GPHN: variants seen among roughly 807,000 people sequenced by gnomAD.
GPHN encodes gephyrin.
Under a neutral mutation model 95.5 loss-of-function variants are expected in GPHN, and 17 were observed. That is an observed-to-expected ratio of 0.18 (90% CI 0.12 to 0.27). The LOEUF is 0.27. Ranked by LOEUF, GPHN falls within the 10% of genes least tolerant of loss-of-function variation. The pLI is 1.00. For synonymous variants in GPHN, 320 were observed against 322.5 expected, an observed-to-expected ratio of 0.99 and a Z score of 0.08; for missense variants, 660 against 978.1, an observed-to-expected ratio of 0.67 and a Z score of 4.34.
At chr14:66,806,974 T>C (rs1025930440) in intron 3 of GPHN, among the ~76,000 whole-genome samples, 4 of 152,198 alleles carry the variant, frequency 2.6e-5, no homozygotes, top group Admixed American at 1.3e-4. Flanking sequence ...TGAATTAGTC[T>C]GTTTTCACAC....
At chr14:67,727,427 A>G in the GPHN span, 1 of 497,294 alleles carries the variant, frequency 2.0e-6, no homozygotes, top group South Asian at 2.1e-5. Flanking sequence ...CTTATCTCTT[A>G]TCTCATTTGA....
the GPHN span, among the ~76,000 whole-genome samples, chr14:67,342,181 A>AAAATAAAT: frequency 5.5e-4 from 55 of 99,600 alleles, 1 homozygote; most frequent in East Asian, 9.9e-3. Context: ...AATGATCAAT[A>AAAATAAAT]AAATAAATAA....
the GPHN span, chr14:67,690,194 C>T: frequency 2.5e-6 from 4 of 1,607,816 alleles, no homozygotes; most frequent in East Asian, 8.9e-5. Flanking sequence ...TCTCCACATT[C>T]ATTTCCTCTA....
intron 3 of GPHN, among the ~76,000 whole-genome samples, chr14:66,777,095 A>AAG (rs889637671): frequency 6.6e-6 from 1 of 151,776 alleles, no homozygotes; most frequent in Non-Finnish European, 1.5e-5. Flanking sequence ...AAAAAAAAAA[A>AAG]AGAGAGAAGA....
At chr14:67,339,614 C>T in the GPHN span, among the ~76,000 whole-genome samples, 228 of 152,274 alleles carry the variant, frequency 1.5e-3, no homozygotes, top group African/African-American at 5.2e-3. Context: ...CATGGACATG[C>T]ATAATTTCTC....
the GPHN span, among the ~76,000 whole-genome samples, chr14:67,284,437 A>AAAAAAAAAC: frequency 3.4e-5 from 5 of 148,150 alleles, no homozygotes; most frequent in Middle Eastern, 3.5e-3. Context: ...CTTAAAAAAA[A>AAAAAAAAAC]AAAAAAACAG....
chr14:67,413,829 TGTA>T, the GPHN span, among the ~76,000 whole-genome samples: 1 of 152,208 alleles, frequency 6.6e-6, no homozygotes, highest in Non-Finnish European at 1.5e-5. Context: ...AAGCCAGGCC[TGTA>T]GTAGTAGGTG....
chr14:67,280,961 A>G, the GPHN span, among the ~76,000 whole-genome samples: 12 of 149,488 alleles, frequency 8.0e-5, no homozygotes, highest in East Asian at 2.4e-3. Flanking sequence ...CAGTGGTGCA[A>G]TCTTCGGCTC....
intron 1 of GPHN, among the ~76,000 whole-genome samples, chr14:66,582,615 A>G (rs2061236401): frequency 6.7e-6 from 1 of 150,164 alleles, no homozygotes; most frequent in Non-Finnish European, 1.5e-5. Flanking sequence ...ATTCCCACCT[A>G]TGAGTGAGAA....
At chr14:66,528,695 G>T (rs144974087) in intron 1 of GPHN, among the ~76,000 whole-genome samples, 1 of 152,276 alleles carries the variant, frequency 6.6e-6, no homozygotes, top group Admixed American at 6.5e-5. Flanking sequence ...GTCTGTAAAG[G>T]ATTTTATTTC....
At chr14:67,266,177 T>G in the GPHN span, among the ~76,000 whole-genome samples, 3,653 of 152,212 alleles carry the variant, frequency 0.024, 68 homozygotes, top group Non-Finnish European at 0.036. Flanking sequence ...TGTTTAAAAT[T>G]AAAGAAATAT....
intron 3 of GPHN, among the ~76,000 whole-genome samples, chr14:66,805,089 G>C (rs980791185): frequency 6.6e-6 from 1 of 152,170 alleles, no homozygotes; most frequent in Non-Finnish European, 1.5e-5. Context: ...AAATAAGTTT[G>C]TTGGACTTAC....
chr14:67,141,083 A>C (rs542575447), intron 17 of GPHN, among the ~76,000 whole-genome samples: 1 of 152,286 alleles, frequency 6.6e-6, no homozygotes, highest in African/African-American at 2.4e-5. Context: ...AATGACTTTA[A>C]AGGGTCTCTA....
chr14:66,801,569 C>G (rs2060348758), intron 3 of GPHN, among the ~76,000 whole-genome samples: 1 of 147,302 alleles, frequency 6.8e-6, no homozygotes, highest in South Asian at 2.3e-4. Context: ...CTCCCCGCTG[C>G]CCCTCTCCCC....
At chr14:66,943,578 T>A (rs904495013) in intron 8 of GPHN, among the ~76,000 whole-genome samples, 2 of 152,234 alleles carry the variant, frequency 1.3e-5, no homozygotes, top group Non-Finnish European at 2.9e-5. Flanking sequence ...TGACATCTGC[T>A]TTTTACCAAT....
At chr14:67,206,250 G>A in the GPHN span, among the ~76,000 whole-genome samples, 1 of 152,242 alleles carries the variant, frequency 6.6e-6, no homozygotes, top group East Asian at 1.9e-4. Flanking sequence ...TGTAATCCCA[G>A]CACTTTGGGA....
rs561395262 is a variant in GPHN at position 66,516,902 on chromosome 14, C to T, written c.64+8311C>T. Among the ~76,000 whole-genome samples the T allele has an allele frequency of 9.2e-5, 14 of 152,024 alleles. No homozygotes were observed. In the East Asian group the frequency reaches 1.4e-3, roughly 15 times the overall value. Reference sequence around the variant, plus strand: ...ATCCCAGCACTTTGGGAGGCTGAGGCGGGCAGATCACGAAGTCAGGAGATT... The same window carrying T: ...ATCCCAGCACTTTGGGAGGCTGAGGTGGGCAGATCACGAAGTCAGGAGATT... On this transcript the variant is annotated intron_variant, in intron 1 of 22. Coordinates refer to ENST00000478722, the MANE Select transcript of GPHN (RefSeq NM_020806.5).
At chr14:66,949,611 T>A (rs951815951) in intron 8 of GPHN, among the ~76,000 whole-genome samples, 2 of 152,180 alleles carry the variant, frequency 1.3e-5, no homozygotes, top group African/African-American at 4.8e-5. Flanking sequence ...CTGTACTTCT[T>A]TGTACATAGG....
the GPHN span, among the ~76,000 whole-genome samples, chr14:67,330,874 G>A: frequency 1.3e-5 from 2 of 152,188 alleles, no homozygotes; most frequent in African/African-American, 4.8e-5. Context: ...GTCAGACCCT[G>A]AAAGATGTCA....
Sources: gnomAD v4.1 joint callset for allele counts (sites outside exome capture counted in the v4.1 genomes callset) on GRCh38, gnomAD v4.1.1 for gene constraint, MANE v1.5 for transcripts, NCBI Gene and HGNC (gene_info 2026-07-23, HGNC 2026-07-21) for gene names.